The following ZMYND8 variants were observed in gnomAD, a reference collection of about 807,000 sequenced individuals.
The protein encoded by ZMYND8 is zinc finger MYND-type containing 8.
In ZMYND8, 37 loss-of-function variants were observed where a neutral mutation model predicts 140.8. The ratio of observed to expected loss-of-function variants is 0.26; its 90% CI spans 0.20 to 0.35. ZMYND8 has a LOEUF of 0.35. ZMYND8 is among the 10% of genes least tolerant of loss of function. The pLI is 1.00. For missense variants in ZMYND8, 1,068 were observed against 1,570.0 expected, an observed-to-expected ratio of 0.68 and a Z score of 5.40; for synonymous variants, 592 against 597.1, an observed-to-expected ratio of 0.99 and a Z score of 0.12.
rs1242338591 is a variant in ZMYND8, at chr20:47,210,557, C to T, written c.*204G>A. ...TTATTTACACCAAAAGCACAGGGCT[C>T]GTGTGGGTGAACAGTCTGCAGTCAA... On this transcript the variant is annotated 3_prime_UTR_variant, in exon 23 of 23. Coordinates refer to ENST00000471951, the MANE Select transcript of ZMYND8 (RefSeq NM_001281775.3). 1.7e-5 allele frequency: 11 copies of T among 656,644 alleles called. No individual in the cohort carries two copies. Among genetic ancestry groups the T allele is most frequent in the Non-Finnish European group, 2.9e-5 (11 of 380,148 alleles). 40.7% of individuals were successfully genotyped at this position (656,644 alleles called of 1,614,324 possible).
rs571720897 is a variant in ZMYND8 at position 47,312,364 on chromosome 20, T to C, written c.86-2160A>G. On this transcript the variant is annotated intron_variant, in intron 2 of 22. Coordinates refer to ENST00000471951, the MANE Select transcript of ZMYND8 (RefSeq NM_001281775.3). ...AGGATGGAACTCTCCAGCCTCACCATGCAAGCTTCTGGACAATCCTGAACA... is the reference window on the plus strand; with the variant it reads ...AGGATGGAACTCTCCAGCCTCACCACGCAAGCTTCTGGACAATCCTGAACA... Among the ~76,000 whole-genome samples the C allele has an allele frequency of 2.6e-5, 4 of 152,278 alleles. No individual in the cohort carries two copies. In the East Asian group the frequency reaches 7.7e-4, roughly 29 times the overall value.
At chr20:47,302,409 A>G (rs1245813681) in intron 3 of ZMYND8, among the ~76,000 whole-genome samples, 1 of 152,164 alleles carries the variant, frequency 6.6e-6, no homozygotes, top group Non-Finnish European at 1.5e-5. Flanking sequence ...GTGAGCCAAG[A>G]TTACACCACT....
intron 1 of ZMYND8, chr20:47,355,550 G>C (rs538396102): frequency 1.0e-6 from 1 of 957,786 alleles, no homozygotes; most frequent in Non-Finnish European, 1.2e-6. Context: ...TTTTTAAACA[G>C]TTACATGGTA....
At chr20:47,310,383 ACAGT>A (rs1375014075) in intron 2 of ZMYND8, among the ~76,000 whole-genome samples, 179 bp from the exon 3 acceptor site, 2 of 152,224 alleles carry the variant, frequency 1.3e-5, no homozygotes, top group African/African-American at 4.8e-5. Context: ...GTCTGCTTCA[ACAGT>A]CAGACAAGTA....
At chr20:47,266,837 T>C (rs980104908) in intron 11 of ZMYND8, among the ~76,000 whole-genome samples, 5 of 152,126 alleles carry the variant, frequency 3.3e-5, no homozygotes, top group Non-Finnish European at 7.4e-5. Flanking sequence ...GTGTGGTGTG[T>C]GGTGTGTATA....
At chr20:47,326,314 C>T (rs2080411750) in intron 2 of ZMYND8, among the ~76,000 whole-genome samples, 1 of 152,174 alleles carries the variant, frequency 6.6e-6, no homozygotes, top group South Asian at 2.1e-4. Flanking sequence ...GTTGCCCAGG[C>T]TGGTCTCGAA....
intron 21 of ZMYND8, among the ~76,000 whole-genome samples, chr20:47,217,902 G>C (rs1415376001): frequency 6.6e-6 from 1 of 151,324 alleles, no homozygotes; most frequent in Non-Finnish European, 1.5e-5. Flanking sequence ...ATTTACTGGG[G>C]CTTCTTGCCT....
In ZMYND8 at chr20:47,236,208, G is replaced by C. The variant is rs542729402; in HGVS notation, c.2856+118C>G. The C allele has an allele frequency of 4.2e-6, 5 of 1,190,192 alleles. No individual in the cohort carries two copies. The Admixed American group carries it at 1.2e-4, about 28-fold the overall frequency. 73.7% of individuals were successfully genotyped at this position (1,190,192 alleles called of 1,614,324 possible). The stretch of plus-strand genomic sequence containing the variant: ...TGGAGATTCTGTTTTTAAAAAAAAG[G>C]GTCTTCACTCCCTAAAGACTGCAAG... On this transcript the variant is annotated intron_variant, in intron 16 of 22. Transcript: ENST00000471951.
intron 2 of ZMYND8, among the ~76,000 whole-genome samples, chr20:47,310,803 A>C (rs887865849): frequency 1.3e-5 from 2 of 151,692 alleles, no homozygotes; most frequent in African/African-American, 4.8e-5. Context: ...AAAAAAAAAA[A>C]AAAACAGATT....
intron 11 of ZMYND8, among the ~76,000 whole-genome samples, chr20:47,264,633 G>T (rs1398265201): frequency 6.6e-6 from 1 of 151,462 alleles, no homozygotes; most frequent in African/African-American, 2.4e-5. Flanking sequence ...AATAGAATTG[G>T]CCTAGCACGT....
At chr20:47,213,782 ACT>A (rs1362798028) in intron 21 of ZMYND8, among the ~76,000 whole-genome samples, 2 of 152,192 alleles carry the variant, frequency 1.3e-5, no homozygotes, top group Non-Finnish European at 2.9e-5. Context: ...GAGAAGAGTA[ACT>A]CTCATCTTTT....
intron 12 of ZMYND8, among the ~76,000 whole-genome samples, chr20:47,249,813 C>T (rs1350723038): frequency 6.6e-6 from 1 of 152,124 alleles, no homozygotes; most frequent in African/African-American, 2.4e-5. Flanking sequence ...CAACACTGAG[C>T]CTGGTCAAGG....
At chr20:47,250,921 C>T (rs2074116178) in intron 12 of ZMYND8, among the ~76,000 whole-genome samples, 1 of 152,060 alleles carries the variant, frequency 6.6e-6, no homozygotes, top group Admixed American at 6.6e-5. Flanking sequence ...CCCAGCTACT[C>T]AGGAGGCTGA....
At chr20:47,307,968 A>C (rs997137120) in intron 3 of ZMYND8, among the ~76,000 whole-genome samples, 3 of 151,490 alleles carry the variant, frequency 2.0e-5, no homozygotes, top group Non-Finnish European at 2.9e-5. Flanking sequence ...AAATAAAAAA[A>C]TTAACTGGGC....
At chr20:47,339,368 G>A (rs1044536603) in intron 2 of ZMYND8, among the ~76,000 whole-genome samples, 2 of 152,148 alleles carry the variant, frequency 1.3e-5, no homozygotes, top group African/African-American at 4.8e-5. Flanking sequence ...GCAAGTGGGG[G>A]AAATGGCAGA....
intron 2 of ZMYND8, among the ~76,000 whole-genome samples, chr20:47,312,789 CAAAAAAAAAA>C (rs1210409565): frequency 1.0e-4 from 7 of 68,722 alleles, no homozygotes; most frequent in Non-Finnish European, 1.9e-4. Flanking sequence ...GACTCCGTCT[CAAAAAAAAAA>C]AAAAAAAAGA....
In ZMYND8 at chr20:47,276,327, C is replaced by A. The variant is rs1445126237; in HGVS notation, c.1467G>T (p.Leu489=). ...CACGGAGCTGACCTGTGCTCTTATC[C>A]AGGAAGTCCATGGACTCCTCGCTCG... ...FSASEESMDF[L]DKSTASPAST... is the part of the protein sequence containing the mutation. Residue 489 remains leucine (L), a synonymous_variant, in exon 11 of 23, where the codon CTG becomes CTT. Coordinates refer to ENST00000471951, the MANE Select transcript of ZMYND8 (RefSeq NM_001281775.3). The A allele has an allele frequency of 4.5e-6, 7 of 1,566,382 alleles. No individual in the cohort carries two copies. In the Admixed American group the frequency reaches 1.2e-4, roughly 28 times the overall value.
chr20:47,291,725 G>A, intron 6 of ZMYND8, 71 bp downstream of exon 6: 1 of 1,199,598 alleles, frequency 8.3e-7, no homozygotes, highest in South Asian at 1.6e-5. Flanking sequence ...ATAGAGCATA[G>A]GCAGTGAGGG....
chr20:47,327,730 C>T (rs1031220219), intron 2 of ZMYND8, among the ~76,000 whole-genome samples: 3 of 152,194 alleles, frequency 2.0e-5, no homozygotes, highest in Admixed American at 2.0e-4. Context: ...CCCGCCTGCC[C>T]ACTTTGGGTA....
Sources: allele counts gnomAD v4.1 joint callset (sites outside exome capture counted in the v4.1 genomes callset), GRCh38; gene constraint gnomAD v4.1.1; transcripts MANE v1.5; gene names NCBI Gene and HGNC (gene_info 2026-07-23, HGNC 2026-07-21).